Variants in SLBP observed in about 807,000 individuals in gnomAD.
SLBP encodes stem-loop histone mRNA binding protein.
In SLBP, 29 loss-of-function variants were observed where a neutral mutation model predicts 39.2. The ratio of observed to expected loss-of-function variants is 0.74; its 90% CI spans 0.55 to 1.01. The LOEUF (loss-of-function observed/expected upper bound fraction) is 1.01. Ranked by LOEUF, SLBP falls within the 50% of genes least tolerant of loss-of-function variation. The probability of loss-of-function intolerance (pLI) is 0.00; values close to 1 mark genes in which losing one functional copy is unlikely to be tolerated. For missense variants in SLBP, 390 were observed against 350.2 expected (o/e 1.11, Z -0.91); for synonymous variants, 129 against 118.7 (o/e 1.09, Z -0.57).
At chr4:1,700,496 C>G (rs1470900043) in intron 3 of SLBP, among the ~76,000 whole-genome samples, 1 of 151,738 alleles carries the variant, frequency 6.6e-6, no homozygotes, top group Non-Finnish European at 1.5e-5. Context: ...TATGACATCT[C>G]CAAAAGGAGT....
At chr4:1,703,446 T>C in intron 3 of SLBP, 150 bp downstream of exon 3, 1 of 612,540 alleles carries the variant, frequency 1.6e-6, no homozygotes. Context: ...GGTCTGAGAA[T>C]CTGTATTTCT....
At chr4:1,701,417 G>A (rs908425801) in intron 3 of SLBP, among the ~76,000 whole-genome samples, 3 of 152,046 alleles carry the variant, frequency 2.0e-5, no homozygotes, top group Non-Finnish European at 2.9e-5. Context: ...AAAGTACTGC[G>A]ATTACAGGTG....
chr4:1,707,242 A>G (rs1433954262), intron 2 of SLBP, among the ~76,000 whole-genome samples: 454 of 16,496 alleles, frequency 0.028, no homozygotes, highest in African/African-American at 0.065. Flanking sequence ...AAAAAAAAAA[A>G]AAAAAAAAAA....
chr4:1,696,643 A>C (rs1004847875), intron 5 of SLBP, among the ~76,000 whole-genome samples: 2 of 152,154 alleles, frequency 1.3e-5, no homozygotes, highest in African/African-American at 4.8e-5. Flanking sequence ...CACACCTATA[A>C]TCCTAGCATT....
rs1716270402 is a variant in SLBP at position 1,700,151 on chromosome 4, G to A, written c.282-81C>T. The A allele has an allele frequency of 4.5e-6, 4 of 896,220 alleles. No individual in the cohort carries two copies. The South Asian group carries it at 4.5e-5, about 10-fold the overall frequency. 55.5% of individuals were successfully genotyped at this position (896,220 alleles called of 1,614,324 possible). A position where few individuals can be genotyped will look rare whatever the true frequency, so the allele number is the denominator to read the frequency against. On this transcript the variant is annotated intron_variant, in intron 3 of 7. Transcript: ENST00000489418. ...AGGTCTGAGGAAGCTCCACCCTGAT[G>A]CCCGCAGGCACACCATCCTATGCAA...
intron 2 of SLBP, among the ~76,000 whole-genome samples, chr4:1,710,415 T>C (rs1716705829): frequency 6.6e-6 from 1 of 152,248 alleles, no homozygotes. Flanking sequence ...TCATTCTTGA[T>C]GCCTCTTTCC....
At chr4:1,702,771 G>C (rs1248459786) in intron 3 of SLBP, among the ~76,000 whole-genome samples, 2 of 152,200 alleles carry the variant, frequency 1.3e-5, no homozygotes, top group African/African-American at 4.8e-5. Context: ...GTGTGCAACT[G>C]CAAGAGGTTC....
In SLBP at chr4:1,700,474, C is replaced by CAA. The variant is rs147244842; in HGVS notation, c.282-406_282-405dup. 7.1e-3 allele frequency among the ~76,000 whole-genome samples: 1,054 copies of CAA among 147,656 alleles called. 4 individuals carry two copies. Among genetic ancestry groups the CAA allele is most frequent in the Non-Finnish European group, 0.013 (842 of 66,838 alleles). On this transcript the variant is annotated intron_variant, in intron 3 of 7. Coordinates refer to ENST00000489418, the MANE Select transcript of SLBP (RefSeq NM_006527.4). ...CAGTCATTACCAGAACGCAGTTTTG[C>CAA]AAAAAAAAAAGTATGACATCTCCAA...
Position 1,711,884 on chromosome 4 carries a change from T to C in SLBP, c.166A>G (p.Arg56Gly). Residue 56 changes from arginine (R) to glycine (G), a missense_variant, in exon 2 of 8, where the codon AGA becomes GGA. By Grantham distance (125) the Arg-to-Gly change is moderately radical. Transcript: ENST00000489418. ...EEAEHRGAER[R>G]PESFTTPEGP... ...GGGTCCCGCGCCCACCTCTCGGGTCTGCGCTCGGCGCCGCGGTGCTCTGCC... is the reference window on the plus strand; with the variant it reads ...GGGTCCCGCGCCCACCTCTCGGGTCCGCGCTCGGCGCCGCGGTGCTCTGCC... The C allele has an allele frequency of 7.4e-7, 1 of 1,353,954 alleles. No individual in the cohort carries two copies. The highest frequency in any genetic ancestry group is 9.5e-7 in the Non-Finnish European group (1 of 1,052,504). The allele number at this position is 1,353,954 out of a possible 1,614,324, so 83.9% of individuals were successfully genotyped here.
chr4:1,705,654 T>A (rs1716489590), intron 2 of SLBP, among the ~76,000 whole-genome samples: 1 of 152,226 alleles, frequency 6.6e-6, no homozygotes, highest in African/African-American at 2.4e-5. Context: ...AATCTTCTGA[T>A]TTATCCAATG....
At chr4:1,698,447 C>G (rs1316635572) in intron 5 of SLBP, among the ~76,000 whole-genome samples, 2 of 149,972 alleles carry the variant, frequency 1.3e-5, no homozygotes, top group Admixed American at 1.3e-4. Flanking sequence ...TCTTACTATT[C>G]CTTTGCCAGC....
At position 1,699,727 on chromosome 4, in the gene SLBP, T is replaced by C. The variant is rs762431183; in HGVS notation, c.342-26A>G. 6.2e-6 allele frequency: 10 copies of C among 1,608,756 alleles called. No individual in the cohort carries two copies. The Admixed American group carries it at 1.5e-4, about 24-fold the overall frequency. ...CTGAAAAAACAACAGATTAACAGAA[T>C]AAGCCCTGCAATTAAGATCACCATG... On this transcript the variant is annotated intron_variant, in intron 4 of 7. Transcript: ENST00000489418.
rs1295688094 is a variant in SLBP, at chr4:1,711,900, G to C, written c.150C>G (p.His50Gln). Residue 50 changes from histidine to glutamine, a missense_variant, in exon 2 of 8, where the codon CAC becomes CAG. Physicochemically the swap from His to Gln is conservative, Grantham distance 24 (BLOSUM62 0). Transcript: ENST00000489418. ...WRPEDAEEAE[H>Q]RGAERRPESF... ...TCTCGGGTCTGCGCTCGGCGCCGCG[G>C]TGCTCTGCCTCCTCGGCGTCTTCGG... 7 of 1,367,926 alleles carry C rather than the reference G, an allele frequency of 5.1e-6. No homozygotes were observed. In the East Asian group the frequency reaches 1.8e-4, roughly 36 times the overall value. The allele number at this position is 1,367,926 out of a possible 1,614,324, so 84.7% of individuals were successfully genotyped here.
chr4:1,697,510 A>G (rs1716156483), intron 5 of SLBP, among the ~76,000 whole-genome samples: 2 of 151,698 alleles, frequency 1.3e-5, no homozygotes, highest in South Asian at 4.2e-4. Context: ...GATCCTACAA[A>G]ATGAACAAAT....
chr4:1,705,720 T>C (rs798756), intron 2 of SLBP, among the ~76,000 whole-genome samples: 114,769 of 152,140 alleles, frequency 0.75, 43,626 homozygotes, highest in East Asian at 0.86. Context: ...CGTGTATGAA[T>C]GTATTTCTGG....
chr4:1,711,153 ATT>A (rs56291020), intron 2 of SLBP, among the ~76,000 whole-genome samples: 2 of 145,830 alleles, frequency 1.4e-5, no homozygotes, highest in Non-Finnish European at 3.0e-5. Flanking sequence ...GTTGGGTCCG[ATT>A]TTTTTTTTTC....
intron 1 of SLBP, 38 bp downstream of exon 1, chr4:1,712,092 G>C: frequency 8.1e-7 from 1 of 1,228,742 alleles, no homozygotes; most frequent in Non-Finnish European, 1.0e-6. Context: ...GCCCCACGGG[G>C]CACGCGCTCC....
intron 3 of SLBP, 128 bp downstream of exon 3, chr4:1,703,468 A>G (rs1716405766): frequency 1.5e-6 from 1 of 671,182 alleles, no homozygotes; most frequent in African/African-American, 1.8e-5. Flanking sequence ...ACAAGTTCCC[A>G]GGAAATGTTG....
chr4:1,694,705 TA>T, intron 7 of SLBP, 68 bp downstream of exon 7: 1 of 1,153,634 alleles, frequency 8.7e-7, no homozygotes, highest in Non-Finnish European at 1.3e-6. Flanking sequence ...CTTCAGTTTA[TA>T]AGGCAGCATG....
Sources: allele counts gnomAD v4.1 joint callset (sites outside exome capture counted in the v4.1 genomes callset), GRCh38; gene constraint gnomAD v4.1.1; transcripts MANE v1.5; gene names NCBI Gene and HGNC (gene_info 2026-07-23, HGNC 2026-07-21).